Variants in DCLK1 observed in about 807,000 individuals in gnomAD.
The protein encoded by DCLK1 is doublecortin like kinase 1.
Under a neutral mutation model 86.2 loss-of-function variants are expected in DCLK1, and 16 were observed. That is an observed-to-expected ratio of 0.19 (90% CI 0.13 to 0.28). The LOEUF is 0.28. Ranked by LOEUF, DCLK1 falls within the 10% of genes least tolerant of loss-of-function variation. The probability of loss-of-function intolerance (pLI) is 1.00; values close to 1 mark genes in which losing one functional copy is unlikely to be tolerated. For synonymous variants in DCLK1, 369 were observed against 370.5 expected (o/e 1.00, Z 0.05); for missense variants, 590 against 940.2 (o/e 0.63, Z 4.87).
intron 3 of DCLK1, among the ~76,000 whole-genome samples, chr13:36,098,196 C>G (rs747830386): frequency 6.6e-6 from 1 of 152,228 alleles, no homozygotes; most frequent in Non-Finnish European, 1.5e-5. Flanking sequence ...GCCTCACCCC[C>G]AGGGACAGAT....
chr13:36,071,035 C>T (rs1255930288), intron 3 of DCLK1, among the ~76,000 whole-genome samples: 1 of 152,074 alleles, frequency 6.6e-6, no homozygotes, highest in Non-Finnish European at 1.5e-5. Flanking sequence ...TCACTTGGAG[C>T]AAAATGAGTC....
At chr13:35,789,576 T>C (rs1171217016) in intron 16 of DCLK1, among the ~76,000 whole-genome samples, 3 of 152,206 alleles carry the variant, frequency 2.0e-5, no homozygotes. Context: ...GTGTCACAAT[T>C]ATATGCATGC....
chr13:35,805,906 A>C lies in DCLK1; in HGVS notation c.1864-127T>G, dbSNP rs545919322. The C allele has an allele frequency of 2.1e-5, 15 of 700,606 alleles. No individual in the cohort carries two copies. The African/African-American group carries it at 2.7e-4, about 13-fold the overall frequency. The allele number at this position is 700,606 out of a possible 1,614,324, so 43.4% of individuals were successfully genotyped here. A position where few individuals can be genotyped will look rare whatever the true frequency, so the allele number is the denominator to read the frequency against. ...AAAGCTCTAAATCTTAAATACATCA[A>C]CTCCACTTACCTGTGGCTATTTATC... On this transcript the variant is annotated intron_variant, in intron 14 of 16. Transcript: ENST00000360631.
intron 6 of DCLK1, chr13:35,847,329 T>A (rs760785292): frequency 1.0e-6 from 1 of 985,204 alleles, no homozygotes; most frequent in Non-Finnish European, 1.2e-6. Context: ...ACATGAAGAT[T>A]TTATGTATAA....
chr13:36,100,059 T>C (rs1416627377), intron 3 of DCLK1, among the ~76,000 whole-genome samples: 2 of 151,492 alleles, frequency 1.3e-5, no homozygotes, highest in East Asian at 1.9e-4. Context: ...AAGAAAACGA[T>C]TGGCCGGGCA....
intron 6 of DCLK1, among the ~76,000 whole-genome samples, chr13:35,851,052 C>T (rs1404937983): frequency 1.3e-5 from 2 of 152,152 alleles, no homozygotes; most frequent in Non-Finnish European, 2.9e-5. Flanking sequence ...CCCCTGAGGT[C>T]TGTAAAGGTC....
chr13:35,923,827 C>G (rs1830028408), intron 4 of DCLK1, among the ~76,000 whole-genome samples: 1 of 152,122 alleles, frequency 6.6e-6, no homozygotes, highest in Admixed American at 6.5e-5. Context: ...CCCTGGGGGT[C>G]TGTTAGCCCT....
intron 2 of DCLK1, among the ~76,000 whole-genome samples, chr13:36,121,871 TGAG>T (rs946418652): frequency 6.6e-6 from 1 of 152,100 alleles, no homozygotes; most frequent in African/African-American, 2.4e-5. Flanking sequence ...TTTGGGAGGC[TGAG>T]GTGGGTGGAT....
rs142785404 is a variant in DCLK1 at position 35,869,090 on chromosome 13, C to T, written c.940+2134G>A. 15 of 506,716 alleles carry T rather than the reference C, an allele frequency of 3.0e-5. 1 individual carries two copies. The highest frequency in any genetic ancestry group is 1.6e-4 in the South Asian group (11 of 68,830). The allele number at this position is 506,716 out of a possible 1,614,324, so 31.4% of individuals were successfully genotyped here. ...ACAGGTATGAGCCACCAGGCCCGGG[C>T]CTATAGCCCAGATTTAATCAGAGAA... On this transcript the variant is annotated intron_variant, in intron 5 of 16. Coordinates refer to ENST00000360631, the MANE Select transcript of DCLK1 (RefSeq NM_001330071.2).
intron 4 of DCLK1, among the ~76,000 whole-genome samples, chr13:35,895,302 A>AAG (rs950399468): frequency 9.9e-5 from 15 of 151,826 alleles, no homozygotes; most frequent in African/African-American, 3.6e-4. Context: ...AAAAAAAAAA[A>AAG]TTAGATGAAA....
rs1879518706 is a variant in DCLK1, at chr13:35,979,255, T to A, written c.724-31798A>T. 2.6e-5 allele frequency among the ~76,000 whole-genome samples: 4 copies of A among 152,100 alleles called. No homozygotes were observed. The South Asian group carries it at 8.3e-4, about 32-fold the overall frequency. The stretch of plus-strand genomic sequence containing the variant: ...GTGCCAAGCGACTTTCCAATGACTA[T>A]TAAAAGTAAAAGAATACAGCCCGGG... On this transcript the variant is annotated intron_variant, in intron 3 of 16. Transcript: ENST00000360631.
At chr13:35,987,284 G>C (rs1879967827) in intron 3 of DCLK1, among the ~76,000 whole-genome samples, 1 of 152,132 alleles carries the variant, frequency 6.6e-6, no homozygotes, top group African/African-American at 2.4e-5. Context: ...AATTTGCCAG[G>C]CATAGTGGTG....
chr13:35,895,744 C>CAAA (rs11410630), intron 4 of DCLK1, among the ~76,000 whole-genome samples: 1 of 149,676 alleles, frequency 6.7e-6, no homozygotes. Flanking sequence ...TATACTATAG[C>CAAA]AAAAAAAAAC....
At position 35,958,279 on chromosome 13, in the gene DCLK1, T is replaced by TTACTACTATAACCACCACCACCAC. The variant is rs1593768854; in HGVS notation, c.724-10823_724-10822insGTGGTGGTGGTGGTTATAGTAGTA. Among the ~76,000 whole-genome samples, 22 of 8,262 alleles carry TTACTACTATAACCACCACCACCAC rather than the reference T, an allele frequency of 2.7e-3. 6 individuals carry two copies. Among genetic ancestry groups the TTACTACTATAACCACCACCACCAC allele is most frequent in the Admixed American group, 0.016 (12 of 752 alleles). The allele number at this position is 8,262 out of a possible 152,430, so 5.4% of individuals were successfully genotyped here. ...ACCACTACTATAACCATTACCACCA[T>TTACTACTATAACCACCACCACCAC]CACTGCCACTATAACCACTATAATA... is the stretch of plus-strand genomic sequence containing the variant. On this transcript the variant is annotated intron_variant, in intron 3 of 16. Coordinates refer to ENST00000360631, the MANE Select transcript of DCLK1 (RefSeq NM_001330071.2).
intron 3 of DCLK1, 96 bp from the exon 4 acceptor site, chr13:35,947,553 A>C: frequency 1.1e-6 from 1 of 925,502 alleles, no homozygotes; most frequent in South Asian, 1.8e-5. Flanking sequence ...GCCCCTTCCC[A>C]CCTAATGGAA....
intron 4 of DCLK1, among the ~76,000 whole-genome samples, chr13:35,909,170 A>G (rs117738281): frequency 0.015 from 2,276 of 152,262 alleles, 27 homozygotes; most frequent in South Asian, 0.055. Flanking sequence ...TATGTTGCAG[A>G]AAAAGAAATG....
intron 3 of DCLK1, among the ~76,000 whole-genome samples, chr13:35,966,266 T>C (rs1427871289): frequency 6.6e-6 from 1 of 152,190 alleles, no homozygotes; most frequent in Non-Finnish European, 1.5e-5. Flanking sequence ...TCCCATACAA[T>C]CCAGCAATTC....
rs766391796 is a variant in DCLK1 at position 35,947,390 on chromosome 13, C to T, written c.791G>A (p.Arg264His). 11 of 1,613,612 alleles carry T rather than the reference C, an allele frequency of 6.8e-6. No individual in the cohort carries two copies. Among genetic ancestry groups the T allele is most frequent in the African/African-American group, 2.7e-5 (2 of 74,856 alleles). The change falls in exon 4 of 17, where the codon CGT (arginine) becomes CAT (histidine). Residue 264 changes from arginine to histidine, a missense_variant. Physicochemically the swap from Arg to His is conservative, Grantham distance 29 (BLOSUM62 0). This residue lies in a region of DCLK1 where 195 missense variants were observed against 365.1 expected (regional missense o/e 0.53). Transcript: ENST00000360631. Reference protein sequence around the residue: ...IFIACGPEKFRYQDDFLLDES... With the variant: ...IFIACGPEKFHYQDDFLLDES... ...ATCTAGCAAGAAATCATCCTGGTAACGGAACTTCTCCGGTCCACATGCAAT... is the reference window on the plus strand; with the variant it reads ...ATCTAGCAAGAAATCATCCTGGTAATGGAACTTCTCCGGTCCACATGCAAT...
At position 35,771,487 on chromosome 13, in the gene DCLK1, T is replaced by C. The variant is rs566034297; in HGVS notation, c.*3048A>G. The C allele has an allele frequency of 2.0e-5, 3 of 152,334 alleles. No individual in the cohort carries two copies. In the East Asian group the frequency reaches 5.8e-4, roughly 29 times the overall value. The allele number at this position is 152,334 out of a possible 1,614,324, so 9.4% of individuals were successfully genotyped here. On this transcript the variant is annotated 3_prime_UTR_variant, in exon 17 of 17. Coordinates refer to ENST00000360631, the MANE Select transcript of DCLK1 (RefSeq NM_001330071.2). ...CGATCTGGAGCAAATCACATATTCA[T>C]TGATCATGACGAATAAAATGATTTC...
Sources: gnomAD v4.1 joint callset for allele counts (sites outside exome capture counted in the v4.1 genomes callset) on GRCh38, gnomAD v4.1.1 for gene constraint, gnomAD v4.1.1 regional missense constraint, MANE v1.5 for transcripts, NCBI Gene and HGNC (gene_info 2026-07-23, HGNC 2026-07-21) for gene names.